RPLP2: variants seen among roughly 807,000 people sequenced by gnomAD.
RPLP2 encodes ribosomal protein lateral stalk subunit P2.
Under a neutral mutation model 11.5 loss-of-function variants are expected in RPLP2, and 1 was observed. That is an observed-to-expected ratio of 0.09 (90% CI 0.03 to 0.41). RPLP2 has a LOEUF of 0.41. Among genes scored for constraint, RPLP2 ranks in the 10% least tolerant of loss-of-function variants. The pLI, the probability that RPLP2 is intolerant of heterozygous loss-of-function variation, is 0.98. For missense variants in RPLP2, 177 were observed against 145.6 expected (o/e 1.22, Z -1.11); for synonymous variants, 82 against 55.9 (o/e 1.47, Z -2.08).
In RPLP2 at chr11:811,893, C is replaced by T. The variant is rs776108729; in HGVS notation, c.172+248C>T. On this transcript the variant is annotated intron_variant, in intron 3 of 4. Coordinates refer to ENST00000321153, the MANE Select transcript of RPLP2 (RefSeq NM_001004.4). ...CCCTGCCTCTTAAGCCTGACTGCTC[C>T]TAGCCCTGAGGCCATTCCCCAGGAT... 90 of 728,912 alleles carry T rather than the reference C, an allele frequency of 1.2e-4. 1 individual carries two copies. Among genetic ancestry groups the T allele is most frequent in the South Asian group, 1.2e-3 (89 of 72,150 alleles). 45.2% of individuals were successfully genotyped at this position (728,912 alleles called of 1,614,324 possible).
intron 2 of RPLP2, 46 bp from the exon 3 acceptor site, chr11:811,551 T>C (rs2133836707): frequency 6.2e-7 from 1 of 1,612,498 alleles, no homozygotes; most frequent in South Asian, 1.1e-5. Context: ...GGGCCGGGGA[T>C]ACAATCGTAC....
intron 1 of RPLP2, 29 bp from the exon 2 acceptor site, chr11:810,205 C>T (rs905786333): frequency 2.7e-6 from 4 of 1,483,068 alleles, no homozygotes; most frequent in Admixed American, 2.3e-5. Flanking sequence ...GGGGTAACTC[C>T]GCCGTCGCGT....
rs202016627 is a variant in RPLP2 at position 812,366 on chromosome 11, TGAG to T, written c.173-165_173-163del. ...AAAGGTGGGGAAGAGAAGTCCCCGT[TGAG>T]GAGTGGCTCAGGGAGGGAGTGTTCA... On this transcript the variant is annotated intron_variant, in intron 3 of 4. Transcript: ENST00000321153. 1,395 of 818,152 alleles carry T rather than the reference TGAG, an allele frequency of 1.7e-3. 37 individuals are homozygous for T. The Admixed American group carries it at 0.029, about 17-fold the overall frequency. The allele number at this position is 818,152 out of a possible 1,614,324, so 50.7% of individuals were successfully genotyped here.
chr11:811,443 G>C (rs560266546), intron 2 of RPLP2, 154 bp from the exon 3 acceptor site: 1 of 754,790 alleles, frequency 1.3e-6, no homozygotes, highest in Non-Finnish European at 2.2e-6. Flanking sequence ...CACTTCCCAA[G>C]TGAGGCTGGT....
chr11:811,670 G>GTTT (rs1178256248), intron 3 of RPLP2, 25 bp downstream of exon 3: 1 of 1,613,938 alleles, frequency 6.2e-7, no homozygotes, highest in African/African-American at 1.3e-5. Flanking sequence ...ACGGGCTTTC[G>GTTT]TTTGTTTTCA....
In RPLP2 at chr11:812,641, G is replaced by T; in HGVS notation, c.271+8G>T. 6.2e-7 allele frequency: 1 copy of T among 1,610,650 alleles called. No individual in the cohort carries two copies. On this transcript the variant is annotated splice_region_variant and intron_variant, in intron 4 of 4. Transcript: ENST00000321153. ...GTTCTGCCCCTGCTGCAGGTAAGTG[G>T]TGGCCTGGTGAGTGGGCAAGGGGCT...
rs1387314528 is a variant in RPLP2, at chr11:812,743, TCTC to T, written c.272-13_272-11del. 1.9e-6 allele frequency: 3 copies of T among 1,612,864 alleles called. No individual in the cohort carries two copies. Among genetic ancestry groups the T allele is most frequent in the Non-Finnish European group, 1.7e-6 (2 of 1,179,072 alleles). ...GCACTTGGGCAGTGCTCACCATGCC[TCTC>T]CTCTGTTCCACAGCAGAGGAGAAGA... On this transcript the variant is annotated splice_polypyrimidine_tract_variant and intron_variant, in intron 4 of 4. Coordinates refer to ENST00000321153, the MANE Select transcript of RPLP2 (RefSeq NM_001004.4).
intron 2 of RPLP2, among the ~76,000 whole-genome samples, chr11:810,751 A>G (rs1365320868): frequency 6.8e-6 from 1 of 147,198 alleles, no homozygotes; most frequent in African/African-American, 2.5e-5. Flanking sequence ...GTGCCACTGT[A>G]CTCCAGTCTG....
In RPLP2 at chr11:809,973, C is replaced by T. The variant is rs936012334; in HGVS notation, c.-68C>T. On this transcript the variant is annotated 5_prime_UTR_variant, in exon 1 of 5. Coordinates refer to ENST00000321153, the MANE Select transcript of RPLP2 (RefSeq NM_001004.4). ...CCTCTTGCGTCGGCGCCTTCCTTTT[C>T]CTCCCTGTCGCCACCGAGGTCGCAC... 1.4e-4 allele frequency: 54 copies of T among 378,970 alleles called. No individual in the cohort carries two copies. The highest frequency in any genetic ancestry group is 7.4e-4 in the African/African-American group (35 of 47,234). 23.5% of individuals were successfully genotyped at this position (378,970 alleles called of 1,614,324 possible). A position where few individuals can be genotyped will look rare whatever the true frequency, so the allele number is the denominator to read the frequency against.
chr11:811,709 CTG>C, intron 3 of RPLP2, 64 bp downstream of exon 3: 2 of 1,604,872 alleles, frequency 1.2e-6, no homozygotes, highest in Non-Finnish European at 1.7e-6. Context: ...GCCGGTCCAT[CTG>C]TGGCCTGCCA....
At chr11:810,116 T>A (rs974381460) in intron 1 of RPLP2, 77 bp downstream of exon 1, 1 of 1,243,178 alleles carries the variant, frequency 8.0e-7, no homozygotes, top group African/African-American at 1.6e-5. Flanking sequence ...CGGCGGGGTA[T>A]TTTTGGGACG....
intron 2 of RPLP2, among the ~76,000 whole-genome samples, chr11:810,791 GAAAA>G (rs35176006): frequency 1.4e-4 from 16 of 116,352 alleles, no homozygotes; most frequent in Admixed American, 8.1e-4. Context: ...GTCTCAAAAG[GAAAA>G]AAAAAAAAAA....
chr11:812,033 C>T (rs934295234), intron 3 of RPLP2: 4 of 409,580 alleles, frequency 9.8e-6, no homozygotes, highest in African/African-American at 6.1e-5. Context: ...CCATAGGCTC[C>T]TTGCCTCTTT....
In RPLP2 at chr11:810,249, C is replaced by T. The variant is rs546666558; in HGVS notation, c.15C>T (p.Ala5=). The T allele has an allele frequency of 1.5e-5, 24 of 1,590,908 alleles. No individual in the cohort carries two copies. In the East Asian group the frequency reaches 3.1e-4, roughly 20 times the overall value. The change falls in exon 2 of 5, where the codon GCC becomes GCT. Residue 5 remains alanine (A), a synonymous_variant. Transcript: ENST00000321153. ...CCCGCCTCAGGATGCGCTACGTCGC[C>T]TCCTACCTGCTGGCTGCCCTAGGGG... is the stretch of plus-strand genomic sequence containing the variant. MRYV[A]SYLLAALGGN... is the part of the protein sequence containing the mutation.
Position 811,598 on chromosome 11 carries a change from T to G in RPLP2, c.125T>G (p.Val42Gly). Residue 42 changes from valine (V) to glycine (G), a missense_variant and splice_region_variant, in exon 3 of 5, where the codon GTT (valine) becomes GGT (glycine). Transcript: ENST00000321153. The stretch of plus-strand genomic sequence containing the variant: ...CAGCCCTGTGATTGTCTGCTTCAGG[T>G]TATCAGTGAGCTGAATGGAAAAAAC... The part of the protein sequence containing the change: ...IEADDDRLNK[V>G]ISELNGKNIE... 1 of 1,614,192 alleles carries G rather than the reference T, an allele frequency of 6.2e-7. No homozygotes were observed. The highest frequency in any genetic ancestry group is 8.5e-7 in the Non-Finnish European group (1 of 1,180,018).
In RPLP2 at chr11:809,982, C is replaced by G. The variant is rs898915448; in HGVS notation, c.-59C>G. 2.5e-6 allele frequency: 1 copy of G among 398,738 alleles called. No homozygotes were observed. The highest frequency in any genetic ancestry group is 4.4e-6 in the Non-Finnish European group (1 of 228,628). The allele number at this position is 398,738 out of a possible 1,614,324, so 24.7% of individuals were successfully genotyped here. On this transcript the variant is annotated 5_prime_UTR_variant, in exon 1 of 5. Coordinates refer to ENST00000321153, the MANE Select transcript of RPLP2 (RefSeq NM_001004.4). ...TCGGCGCCTTCCTTTTCCTCCCTGT[C>G]GCCACCGAGGTCGCACGCGTGAGAC...
chr11:810,041 T>C lies in RPLP2; in HGVS notation c.-2+2T>C. The C allele has an allele frequency of 1.8e-6, 1 of 566,278 alleles. No homozygotes were observed. 35.1% of individuals were successfully genotyped at this position (566,278 alleles called of 1,614,324 possible). On this transcript the variant is annotated splice_donor_variant, in intron 1 of 4. Coordinates refer to ENST00000321153, the MANE Select transcript of RPLP2 (RefSeq NM_001004.4). LOFTEE classifies it low-confidence loss of function (5UTR_SPLICE). Reference sequence around the variant, plus strand: ...CGCCTCCGCCGCAGACGCCGCCGCGTGAGTGTGGTGACCGGGCCCGGGGTG... The same window carrying C: ...CGCCTCCGCCGCAGACGCCGCCGCGCGAGTGTGGTGACCGGGCCCGGGGTG...
chr11:812,724 G>A (rs752325003), intron 4 of RPLP2, 36 bp from the exon 5 acceptor site: 1 of 1,612,956 alleles, frequency 6.2e-7, no homozygotes, highest in South Asian at 1.1e-5. Flanking sequence ...CCTGGCACTT[G>A]GGCAGTGCTC....
At position 812,309 on chromosome 11, in the gene RPLP2, C is replaced by T. The variant is rs868477253; in HGVS notation, c.173-226C>T. On this transcript the variant is annotated intron_variant, in intron 3 of 4. Coordinates refer to ENST00000321153, the MANE Select transcript of RPLP2 (RefSeq NM_001004.4). ...AAATTGGGCAGGCAGGCAGTGTGGG[C>T]CTAATTCCTAGAAGGCAAGTCCCTG... is the stretch of plus-strand genomic sequence containing the variant. 2.3e-4 allele frequency: 138 copies of T among 591,472 alleles called. No homozygotes were observed. The Middle Eastern group carries it at 5.0e-3, about 22-fold the overall frequency. 36.6% of individuals were successfully genotyped at this position (591,472 alleles called of 1,614,324 possible). A position where few individuals can be genotyped will look rare whatever the true frequency, so the allele number is the denominator to read the frequency against.
Sources: allele counts gnomAD v4.1 joint callset (sites outside exome capture counted in the v4.1 genomes callset), GRCh38; gene constraint gnomAD v4.1.1; transcripts MANE v1.5; gene names NCBI Gene and HGNC (gene_info 2026-07-23, HGNC 2026-07-21).